The following CD44 variants were observed in gnomAD, a reference collection of about 807,000 sequenced individuals.
CD44 encodes CD44 antigen.
A neutral mutation model predicts 88.8 loss-of-function variants in CD44; 49 were observed. That is an observed-to-expected ratio of 0.55 (90% CI 0.44 to 0.70). The LOEUF (loss-of-function observed/expected upper bound fraction) is 0.70, where lower values mean the gene tolerates loss of function less well. Among genes scored for constraint, CD44 ranks in the 30% least tolerant of loss-of-function variants. CD44 has a pLI of 0.00. For missense variants in CD44, 883 were observed against 913.8 expected (o/e 0.97, Z 0.43); for synonymous variants, 325 against 312.3 (o/e 1.04, Z -0.43).
chr11:35,162,972 T>C (rs1166061588), intron 1 of CD44, among the ~76,000 whole-genome samples: 3 of 152,064 alleles, frequency 2.0e-5, no homozygotes, highest in Non-Finnish European at 2.9e-5. Flanking sequence ...AAGACAGAGA[T>C]TGAGTCACCA....
chr11:35,220,763 C>CTTTTT (rs34175178), intron 16 of CD44, among the ~76,000 whole-genome samples: 1 of 105,210 alleles, frequency 9.5e-6, no homozygotes, highest in Non-Finnish European at 1.8e-5. Context: ...TAATATACGT[C>CTTTTT]TTTTTTTTTT....
Position 35,189,961 on chromosome 11 carries a change from G to T in CD44, c.563G>T (p.Ser188Ile), listed in dbSNP as rs370420547. 1.2e-5 allele frequency: 20 copies of T among 1,614,186 alleles called. No homozygotes were observed. The African/African-American group carries it at 2.5e-4, about 20-fold the overall frequency. The change falls in exon 5 of 18, where the codon AGC becomes ATC. Residue 188 changes from serine (S) to isoleucine (I), a missense_variant. Ser to Ile is a moderately radical substitution (Grantham distance 142, BLOSUM62 -2). Around this residue, in one of 2 missense-constraint regions of CD44, gnomAD observed 252 missense variants for 322.9 expected, o/e 0.78. Coordinates refer to ENST00000428726, the MANE Select transcript of CD44 (RefSeq NM_000610.4). ...AGCGGCTCCTCCAGTGAAAGGAGCA[G>T]CACTTCAGGAGGTTACATCTTTTAC... ...VSSGSSSERS[S>I]TSGGYIFYTF...
intron 9 of CD44, among the ~76,000 whole-genome samples, chr11:35,203,285 T>TA (rs1196523757): frequency 7.2e-6 from 1 of 138,444 alleles, no homozygotes; most frequent in East Asian, 2.2e-4. Context: ...ATTATGTTTA[T>TA]AAAATTAGTG....
intron 11 of CD44, among the ~76,000 whole-genome samples, chr11:35,206,888 T>G (rs1348603049): frequency 5.3e-5 from 8 of 152,304 alleles, no homozygotes; most frequent in Non-Finnish European, 1.2e-4. Flanking sequence ...AGGACACCCA[T>G]GGGGGAAAAC....
At position 35,187,739 on chromosome 11, in the gene CD44, G is replaced by C. The variant is rs182313265; in HGVS notation, c.436+839G>C. 3.3e-4 allele frequency among the ~76,000 whole-genome samples: 51 copies of C among 152,268 alleles called. No individual in the cohort carries two copies. The East Asian group carries it at 8.3e-3, about 25-fold the overall frequency. On this transcript the variant is annotated intron_variant, in intron 4 of 17. Transcript: ENST00000428726. ...TTTTGGCCCTAATTAGCAATTTTCT[G>C]TTTGATATAACTGAAGTATTGAAAG...
intron 17 of CD44, chr11:35,222,586 C>G: frequency 1.3e-6 from 1 of 757,094 alleles, no homozygotes; most frequent in Non-Finnish European, 1.6e-6. Flanking sequence ...ATGTTATTTA[C>G]ATTTTATATA....
At chr11:35,166,656 G>A (rs1943308667) in intron 1 of CD44, among the ~76,000 whole-genome samples, 1 of 152,220 alleles carries the variant, frequency 6.6e-6, no homozygotes. Flanking sequence ...AAAAAAGGCA[G>A]AGAAATCAGG....
In CD44 at chr11:35,179,039, C is replaced by T. The variant is rs566924855; in HGVS notation, c.234-1235C>T. On this transcript the variant is annotated intron_variant, in intron 2 of 17. Transcript: ENST00000428726. ...GAAAACTTATTACCATTTAATTGTG[C>T]CCACACCCCCTGCCAAGCTAAGGAG... 5.9e-5 allele frequency among the ~76,000 whole-genome samples: 9 copies of T among 152,258 alleles called. No individual in the cohort carries two copies. In the South Asian group the frequency reaches 1.7e-3, roughly 28 times the overall value.
At chr11:35,170,808 C>T (rs1157684859) in intron 1 of CD44, among the ~76,000 whole-genome samples, 3 of 152,222 alleles carry the variant, frequency 2.0e-5, no homozygotes, top group Admixed American at 2.0e-4. Flanking sequence ...TCTTGCCTCT[C>T]TATAGTGGTT....
intron 1 of CD44, among the ~76,000 whole-genome samples, chr11:35,170,001 C>A (rs1328370728): frequency 6.6e-6 from 1 of 152,296 alleles, no homozygotes; most frequent in African/African-American, 2.4e-5. Flanking sequence ...TACCTCATAG[C>A]ATTTTTATGA....
At chr11:35,193,333 A>G (rs1028490243) in intron 5 of CD44, among the ~76,000 whole-genome samples, 5 of 152,232 alleles carry the variant, frequency 3.3e-5, no homozygotes, top group African/African-American at 1.2e-4. Context: ...CCTGCATCAC[A>G]GGTGGCCCAC....
At chr11:35,211,481 C>G (rs1193307148) in intron 14 of CD44, 32 bp downstream of exon 14, 3 of 1,511,766 alleles carry the variant, frequency 2.0e-6, no homozygotes. Context: ...AGTTTGCTTT[C>G]TCTATATAGA....
At chr11:35,225,722 C>T (rs1949652044) in intron 17 of CD44, among the ~76,000 whole-genome samples, 1 of 152,126 alleles carries the variant, frequency 6.6e-6, no homozygotes. Context: ...GTGGCTGAGG[C>T]AGGAGAATTT....
chr11:35,165,118 G>T (rs1299528109), intron 1 of CD44, among the ~76,000 whole-genome samples: 3 of 152,122 alleles, frequency 2.0e-5, no homozygotes, highest in Admixed American at 2.0e-4. Context: ...TTGAGTCTCT[G>T]GGTCTGCCCT....
At chr11:35,169,329 A>G (rs6484768) in intron 1 of CD44, among the ~76,000 whole-genome samples, 34,730 of 151,940 alleles carry the variant, frequency 0.23, 4,223 homozygotes, top group Middle Eastern at 0.34. Context: ...AGAGACCTTG[A>G]AGATAATAAT....
chr11:35,215,120 G>A lies in CD44; in HGVS notation c.1873+206G>A, dbSNP rs918596733. The A allele has an allele frequency of 3.0e-5, 12 of 393,808 alleles. No individual in the cohort carries two copies. The South Asian group carries it at 1.4e-3, about 45-fold the overall frequency. 24.4% of individuals were successfully genotyped at this position (393,808 alleles called of 1,614,324 possible). On this transcript the variant is annotated intron_variant, in intron 15 of 17. Coordinates refer to ENST00000428726, the MANE Select transcript of CD44 (RefSeq NM_000610.4). The stretch of plus-strand genomic sequence containing the variant: ...TCAGTAGGTCTGGGGTGGAGCCCAA[G>A]CATTTGCATTTCTAATCAGTTCCCT...
At chr11:35,194,752 T>C (rs2133951349) in intron 5 of CD44, among the ~76,000 whole-genome samples, 1 of 152,338 alleles carries the variant, frequency 6.6e-6, no homozygotes, top group East Asian at 1.9e-4. Context: ...TGGCAATGTG[T>C]ATATAGAATC....
chr11:35,152,818 T>C (rs1860601771), intron 1 of CD44, among the ~76,000 whole-genome samples: 1 of 152,166 alleles, frequency 6.6e-6, no homozygotes, highest in Non-Finnish European at 1.5e-5. Flanking sequence ...CTGCCCTTGC[T>C]CTCAGTGCCA....
At chr11:35,205,114 G>A (rs573256280) in intron 10 of CD44, among the ~76,000 whole-genome samples, 2 of 152,302 alleles carry the variant, frequency 1.3e-5, no homozygotes, top group South Asian at 4.1e-4. Context: ...ATGTCATTTG[G>A]CCTTTTGGCC....
Sources: allele counts gnomAD v4.1 joint callset (sites outside exome capture counted in the v4.1 genomes callset), GRCh38; gene constraint gnomAD v4.1.1; regional missense constraint gnomAD v4.1.1; transcripts MANE v1.5; gene names NCBI Gene and HGNC (gene_info 2026-07-23, HGNC 2026-07-21).